Variants in WBP1 observed in about 807,000 individuals in gnomAD.
The protein encoded by WBP1 is WW domain binding protein 1.
A neutral mutation model predicts 25.6 loss-of-function variants in WBP1; 18 were observed. The ratio of observed to expected loss-of-function variants is 0.70; its 90% CI spans 0.49 to 1.04. The LOEUF (loss-of-function observed/expected upper bound fraction) is 1.04, where lower values mean the gene tolerates loss of function less well. WBP1 is among the 50% of genes least tolerant of loss of function. WBP1 has a pLI of 0.00. For missense variants in WBP1, 330 were observed against 352.9 expected (o/e 0.94, Z 0.52); for synonymous variants, 122 against 137.7 (o/e 0.89, Z 0.80).
Position 74,458,677 on chromosome 2 carries a change from C to G in WBP1, c.69+6C>G. On this transcript the variant is annotated splice_donor_region_variant and intron_variant, in intron 1 of 3. Coordinates refer to ENST00000233615, the MANE Select transcript of WBP1 (RefSeq NM_012477.4). ...TTCGGGCGCCGCAACAGCAGGTATC[C>G]CAATAGCTCCAAAACCTATCACGAC... 6.4e-7 allele frequency: 1 copy of G among 1,571,630 alleles called. No individual in the cohort carries two copies. The highest frequency in any genetic ancestry group is 8.6e-7 in the Non-Finnish European group (1 of 1,158,198).
In WBP1 at chr2:74,460,375, T is replaced by G. The variant is rs758491863; in HGVS notation, c.504T>G (p.Phe168Leu). ...CCTCATCCAGCTGCCCTGCCCACTT[T>G]GAAGGAACAAATGTGGAAGGTGTTT... The part of the protein sequence containing the change: ...CSSSSSCPAH[F>L]EGTNVEGVSS... The change falls in exon 4 of 4, where the codon TTT (phenylalanine) becomes TTG (leucine). Residue 168 changes from phenylalanine (F) to leucine (L), a missense_variant. By Grantham distance (22) the Phe-to-Leu change is conservative. Transcript: ENST00000233615. The G allele has an allele frequency of 5.0e-6, 8 of 1,614,014 alleles. No homozygotes were observed. The highest frequency in any genetic ancestry group is 6.8e-6 in the Non-Finnish European group (8 of 1,179,996).
At chr2:74,459,486 A>T (rs1321159773) in intron 1 of WBP1, 157 bp from the exon 2 acceptor site, 1 of 691,440 alleles carries the variant, frequency 1.4e-6, no homozygotes, top group Non-Finnish European at 2.5e-6. Context: ...AGCCCTTCAG[A>T]TATTTCAACA....
Position 74,460,245 on chromosome 2 carries a change from C to T in WBP1, c.374C>T (p.Pro125Leu), listed in dbSNP as rs1671858462. Residue 125 changes from proline (P) to leucine (L), a missense_variant, in exon 4 of 4, where the codon CCA becomes CTA. Physicochemically the swap from Pro to Leu is moderately conservative, Grantham distance 98. Coordinates refer to ENST00000233615, the MANE Select transcript of WBP1 (RefSeq NM_012477.4). The stretch of plus-strand genomic sequence containing the variant: ...GGCTTCCTCAGCACCTTCAAGCCCC[C>T]AGCCTACGAGGATGTGGTTCACCGC... ...DLRFLSTFKP[P>L]AYEDVVHRPG... The T allele has an allele frequency of 6.2e-7, 1 of 1,612,066 alleles. No individual in the cohort carries two copies. Among genetic ancestry groups the T allele is most frequent in the Admixed American group, 1.7e-5 (1 of 59,914 alleles).
rs751656926 is a variant in WBP1, at chr2:74,458,715, C to T, written c.69+44C>T. 4.5e-5 allele frequency: 70 copies of T among 1,545,482 alleles called. 1 individual carries two copies. The South Asian group carries it at 4.7e-4, about 10-fold the overall frequency. Reference sequence around the variant, plus strand: ...AACCTATCACGACAGCCATTTGTCTCTTTCCCCTTTCCTTGTCCCTTCCTT... The same window carrying T: ...AACCTATCACGACAGCCATTTGTCTTTTTCCCCTTTCCTTGTCCCTTCCTT... On this transcript the variant is annotated intron_variant, in intron 1 of 3. Transcript: ENST00000233615.
chr2:74,458,936 G>T, intron 1 of WBP1: 1 of 1,550,902 alleles, frequency 6.4e-7, no homozygotes, highest in Non-Finnish European at 8.7e-7. Flanking sequence ...TCCCAGGGAG[G>T]CTCCCTCTGT....
chr2:74,459,164 G>C (rs1389269082), intron 1 of WBP1: 1 of 1,522,872 alleles, frequency 6.6e-7, no homozygotes, highest in Non-Finnish European at 8.8e-7. Context: ...AGGCCCAGGG[G>C]TGGAAAGATC....
chr2:74,458,915 G>A lies in WBP1; in HGVS notation c.69+244G>A, dbSNP rs753828624. 51 of 1,550,850 alleles carry A rather than the reference G, an allele frequency of 3.3e-5. No individual in the cohort carries two copies. The South Asian group carries it at 4.8e-4, about 14-fold the overall frequency. ...TGCGGTGGCTCTCCAGTGACCAGAG[G>A]CATAGTGAGGTCCCAGGGAGGCTCC... On this transcript the variant is annotated intron_variant, in intron 1 of 3. Coordinates refer to ENST00000233615, the MANE Select transcript of WBP1 (RefSeq NM_012477.4).
Position 74,460,675 on chromosome 2 carries a change from C to T in WBP1, c.804C>T (p.Ile268=), listed in dbSNP as rs765844364. ...GGCTGTCTTCCAGTGAAGGGGACAT[C>T]CCATAAGTAGTTTTGAGAGGGTGGA... The part of the protein sequence containing the change: ...PMGLSSSEGD[I]P The change falls in exon 4 of 4, where the codon ATC becomes ATT. Residue 268 remains isoleucine (I), a synonymous_variant. Coordinates refer to ENST00000233615, the MANE Select transcript of WBP1 (RefSeq NM_012477.4). 16 of 1,560,298 alleles carry T rather than the reference C, an allele frequency of 1.0e-5. No individual in the cohort carries two copies. The highest frequency in any genetic ancestry group is 1.4e-5 in the Non-Finnish European group (16 of 1,149,822).
At chr2:74,458,915 G>T in intron 1 of WBP1, 1 of 1,550,968 alleles carries the variant, frequency 6.4e-7, no homozygotes, top group Non-Finnish European at 8.7e-7. Flanking sequence ...GTGACCAGAG[G>T]CATAGTGAGG....
At position 74,459,999 on chromosome 2, in the gene WBP1, G is replaced by A; in HGVS notation, c.299G>A (p.Gly100Glu). The A allele has an allele frequency of 6.2e-7, 1 of 1,614,126 alleles. No homozygotes were observed. The highest frequency in any genetic ancestry group is 8.5e-7 in the Non-Finnish European group (1 of 1,180,022). ...GAAATCAACTTGTTGGCCTATCATG[G>A]GGCATGCCATGGGGCTGGTCCTTTC... ...QREINLLAYHGACHGAGPFPT... is the reference protein window; with the variant it reads ...QREINLLAYHEACHGAGPFPT... The change falls in exon 3 of 4, where the codon GGG becomes GAG. Residue 100 changes from glycine to glutamate, a missense_variant. Coordinates refer to ENST00000233615, the MANE Select transcript of WBP1 (RefSeq NM_012477.4).
chr2:74,459,336 A>C, intron 1 of WBP1: 5 of 189,082 alleles, frequency 2.6e-5, no homozygotes, highest in Non-Finnish European at 5.1e-5. Flanking sequence ...GGATGGGGGT[A>C]GGGGGGTTGG....
At chr2:74,460,103 C>A in intron 3 of WBP1, 54 bp downstream of exon 3, 5 of 1,594,926 alleles carry the variant, frequency 3.1e-6, no homozygotes, top group Middle Eastern at 1.7e-4. Context: ...CAAACCAGAA[C>A]CCCAAATCGT....
chr2:74,460,473 C>A lies in WBP1; in HGVS notation c.602C>A (p.Pro201His), dbSNP rs746492371. Residue 201 changes from proline (P) to histidine (H), a missense_variant, in exon 4 of 4, where the codon CCC becomes CAC. Physicochemically the swap from Pro to His is moderately conservative, Grantham distance 77 (BLOSUM62 -2). Transcript: ENST00000233615. ...GGGGTGACCCCTGCCTCCACACCCCCCTCCTGCCGCTATCGCCGTTTAACT... is the reference window on the plus strand; with the variant it reads ...GGGGTGACCCCTGCCTCCACACCCCACTCCTGCCGCTATCGCCGTTTAACT... ...GAGVTPASTPPSCRYRRLTGD... is the reference protein window; with the variant it reads ...GAGVTPASTPHSCRYRRLTGD... 2.6e-5 allele frequency: 42 copies of A among 1,613,538 alleles called. No homozygotes were observed. The highest frequency in any genetic ancestry group is 1.2e-4 in the Admixed American group (7 of 60,016).
Position 74,458,446 on chromosome 2 carries a change from T to C in WBP1, c.-157T>C. 6.9e-7 allele frequency: 1 copy of C among 1,446,118 alleles called. No homozygotes were observed. The highest frequency in any genetic ancestry group is 9.1e-7 in the Non-Finnish European group (1 of 1,099,386). 89.6% of individuals were successfully genotyped at this position (1,446,118 alleles called of 1,614,324 possible). A position where few individuals can be genotyped will look rare whatever the true frequency, so the allele number is the denominator to read the frequency against. On this transcript the variant is annotated 5_prime_UTR_variant, in exon 1 of 4. Coordinates refer to ENST00000233615, the MANE Select transcript of WBP1 (RefSeq NM_012477.4). ...GCAGAGCAATCTGAGTCCTAGTTGG[T>C]GGAGTTCTGCCCGGATGGAAGCTCC...
Position 74,458,459 on chromosome 2 carries a change from G to C in WBP1, c.-144G>C, listed in dbSNP as rs1398724020. 6.9e-7 allele frequency: 1 copy of C among 1,454,184 alleles called. No homozygotes were observed. Among genetic ancestry groups the C allele is most frequent in the African/African-American group, 1.4e-5 (1 of 70,258 alleles). 90.1% of individuals were successfully genotyped at this position (1,454,184 alleles called of 1,614,324 possible). On this transcript the variant is annotated 5_prime_UTR_variant, in exon 1 of 4. Transcript: ENST00000233615. ...AGTCCTAGTTGGTGGAGTTCTGCCC[G>C]GATGGAAGCTCCGGCCGCGGAGTGA...
chr2:74,460,436 G>T lies in WBP1; in HGVS notation c.565G>T (p.Glu189Ter), dbSNP rs1309233516. The T allele has an allele frequency of 6.2e-7, 1 of 1,613,684 alleles. No individual in the cohort carries two copies. The highest frequency in any genetic ancestry group is 1.1e-5 in the South Asian group (1 of 91,070). The change falls in exon 4 of 4, where the codon GAG (glutamate) becomes TAG (stop). Residue 189 changes from glutamate (E) to a stop codon, truncating the protein, a stop_gained. Coordinates refer to ENST00000233615, the MANE Select transcript of WBP1 (RefSeq NM_012477.4). LOFTEE classifies it high-confidence loss of function. ...GAGTGCCCCCCCTCATCAGGAGGGT[G>T]AGCCCGGGGCAGGGGTGACCCCTGC... The part of the protein sequence containing the change: ...HQSAPPHQEG[E>*]PGAGVTPAST...
chr2:74,459,327 G>A (rs1671817198), intron 1 of WBP1: 2 of 446,628 alleles, frequency 4.5e-6, no homozygotes, highest in Non-Finnish European at 8.5e-6. Context: ...GCACCGAGGG[G>A]ATGGGGGTAG....
Position 74,459,749 on chromosome 2 carries a change from A to G in WBP1, c.172+4A>G, listed in dbSNP as rs201694119. The G allele has an allele frequency of 1.2e-6, 2 of 1,614,134 alleles. No homozygotes were observed. Among genetic ancestry groups the G allele is most frequent in the South Asian group, 2.2e-5 (2 of 91,080 alleles). ...ACCTACTACTATGAGCTCTGGTGTAAGTCTCCAAGAGGGCTATTTCCAGGT... is the reference window on the plus strand; with the variant it reads ...ACCTACTACTATGAGCTCTGGTGTAGGTCTCCAAGAGGGCTATTTCCAGGT... On this transcript the variant is annotated splice_donor_region_variant and intron_variant, in intron 2 of 3. Transcript: ENST00000233615.
In WBP1 at chr2:74,460,314, C is replaced by T. The variant is rs779930964; in HGVS notation, c.443C>T (p.Pro148Leu). The T allele has an allele frequency of 2.5e-6, 4 of 1,614,106 alleles. No homozygotes were observed. Among genetic ancestry groups the T allele is most frequent in the East Asian group, 4.5e-5 (2 of 44,870 alleles). ...CCTTATACTGTGGCCCCAGGCCGCC[C>T]CTTGACTGCTTCCAGTGAACAAACC... ...PPPYTVAPGR[P>L]LTASSEQTCC... Residue 148 changes from proline to leucine, a missense_variant, in exon 4 of 4, where the codon CCC becomes CTC. Pro to Leu is a moderately conservative substitution (Grantham distance 98). Transcript: ENST00000233615.
Sources: allele counts gnomAD v4.1 joint callset, GRCh38; gene constraint gnomAD v4.1.1; transcripts MANE v1.5; gene names NCBI Gene and HGNC (gene_info 2026-07-23, HGNC 2026-07-21).